The following SPOCK3 variants were observed in gnomAD, a reference collection of about 807,000 sequenced individuals.
SPOCK3 encodes testican-3.
SPOCK3 carries 30 observed loss-of-function variants against 56.6 expected under a neutral mutation model. The observed-to-expected ratio is 0.53, with a 90% CI of 0.40 to 0.72. The LOEUF (loss-of-function observed/expected upper bound fraction) is 0.72. SPOCK3 is among the 30% of genes least tolerant of loss of function. The pLI is 0.00. For synonymous variants in SPOCK3, 196 were observed against 183.3 expected, an observed-to-expected ratio of 1.07 and a Z score of -0.56; for missense variants, 527 against 530.0, an observed-to-expected ratio of 0.99 and a Z score of 0.06.
At chr4:167,190,328 T>C (rs541134262) in intron 2 of SPOCK3, among the ~76,000 whole-genome samples, 5 of 146,152 alleles carry the variant, frequency 3.4e-5, no homozygotes, top group Non-Finnish European at 4.5e-5. Flanking sequence ...TAAGGTGATA[T>C]CTCTTTGTGA....
intron 6 of SPOCK3, among the ~76,000 whole-genome samples, chr4:166,885,255 G>A (rs1217956741): frequency 6.7e-6 from 1 of 149,386 alleles, no homozygotes; most frequent in Non-Finnish European, 1.5e-5. Flanking sequence ...CTGGGACTTG[G>A]TTGCCTTATT....
At chr4:167,233,003 G>C (rs1179651421) in intron 2 of SPOCK3, among the ~76,000 whole-genome samples, 1 of 152,158 alleles carries the variant, frequency 6.6e-6, no homozygotes, top group Non-Finnish European at 1.5e-5. Flanking sequence ...CAAATGTCAC[G>C]GTAAGGATTG....
intron 2 of SPOCK3, among the ~76,000 whole-genome samples, chr4:167,144,632 G>C (rs1029975285): frequency 1.3e-5 from 2 of 149,340 alleles, no homozygotes; most frequent in Admixed American, 6.8e-5. Context: ...AAGTAGGAAA[G>C]ATAAATAAGA....
chr4:166,868,458 C>T (rs1468817206), intron 6 of SPOCK3, among the ~76,000 whole-genome samples: 1 of 151,828 alleles, frequency 6.6e-6, no homozygotes, highest in Admixed American at 6.6e-5. Flanking sequence ...ACAGTATGAC[C>T]CTGTCTCTAA....
chr4:167,192,297 G>A (rs942295583), intron 2 of SPOCK3, among the ~76,000 whole-genome samples: 1 of 145,562 alleles, frequency 6.9e-6, no homozygotes, highest in African/African-American at 2.6e-5. Flanking sequence ...ATTCCAACCC[G>A]ATAATATGAA....
chr4:167,223,249 T>C (rs1191049814), intron 2 of SPOCK3, among the ~76,000 whole-genome samples: 1 of 141,760 alleles, frequency 7.1e-6, no homozygotes, highest in Non-Finnish European at 1.5e-5. Flanking sequence ...TATATTCATT[T>C]ATAAATATAT....
intron 4 of SPOCK3, among the ~76,000 whole-genome samples, chr4:166,982,843 C>A (rs1466403475): frequency 6.6e-6 from 1 of 152,004 alleles, no homozygotes; most frequent in Non-Finnish European, 1.5e-5. Context: ...ATTTTGAGGC[C>A]ATACTTGTAC....
At chr4:166,873,796 T>G (rs977103263) in intron 6 of SPOCK3, among the ~76,000 whole-genome samples, 1 of 152,002 alleles carries the variant, frequency 6.6e-6, no homozygotes, top group Non-Finnish European at 1.5e-5. Flanking sequence ...GCTAAGAACA[T>G]AGGTTGGTAG....
At chr4:167,194,153 C>T (rs1333713703) in intron 2 of SPOCK3, among the ~76,000 whole-genome samples, 2 of 124,686 alleles carry the variant, frequency 1.6e-5, no homozygotes, top group Non-Finnish European at 3.4e-5. Flanking sequence ...TTTTTGAGTT[C>T]ACTGATTCTT....
chr4:166,952,326 A>C (rs1452908240), intron 4 of SPOCK3, among the ~76,000 whole-genome samples: 1 of 152,200 alleles, frequency 6.6e-6, no homozygotes, highest in Non-Finnish European at 1.5e-5. Context: ...GTGAACTCCC[A>C]TTCACAATTG....
intron 7 of SPOCK3, among the ~76,000 whole-genome samples, chr4:166,779,294 A>C (rs1198705070): frequency 6.6e-6 from 1 of 152,190 alleles, no homozygotes; most frequent in Non-Finnish European, 1.5e-5. Context: ...TCAAAAAAAA[A>C]GTAAAGATAA....
At chr4:166,745,046 C>A (rs1356858812) in intron 8 of SPOCK3, among the ~76,000 whole-genome samples, 1 of 152,090 alleles carries the variant, frequency 6.6e-6, no homozygotes, top group Admixed American at 6.5e-5. Flanking sequence ...AGAATGGAAC[C>A]AAGTTGGAAA....
chr4:167,007,085 G>C (rs1285282993), intron 3 of SPOCK3, among the ~76,000 whole-genome samples: 2 of 152,132 alleles, frequency 1.3e-5, no homozygotes, highest in African/African-American at 2.4e-5. Flanking sequence ...ATATATCCCT[G>C]CATTCACCTT....
In SPOCK3 at chr4:166,742,016, T is replaced by A. The variant is rs778470157; in HGVS notation, c.975A>T (p.Gln325His). 5 of 1,612,996 alleles carry A rather than the reference T, an allele frequency of 3.1e-6. No homozygotes were observed. Among genetic ancestry groups the A allele is most frequent in the Non-Finnish European group, 4.2e-6 (5 of 1,179,218 alleles). ...ACTCACCTAGGAGCTTCTTTACCCCTTGCCGCTTCTGAATATTGCTGAGCT... is the reference window on the plus strand; with the variant it reads ...ACTCACCTAGGAGCTTCTTTACCCCATGCCGCTTCTGAATATTGCTGAGCT... ...QTELSNIQKR[Q>H]GVKKLLGQYI... Residue 325 changes from glutamine (Q) to histidine (H), a missense_variant, in exon 9 of 11, where the codon CAA becomes CAT. By Grantham distance (24) the Gln-to-His change is conservative (BLOSUM62 0). Coordinates refer to ENST00000357545, the MANE Select transcript of SPOCK3 (RefSeq NM_001040159.2).
At chr4:166,783,864 A>G (rs1411833196) in intron 7 of SPOCK3, among the ~76,000 whole-genome samples, 1 of 152,158 alleles carries the variant, frequency 6.6e-6, no homozygotes, top group Non-Finnish European at 1.5e-5. Context: ...GTTTAACAGG[A>G]ATAATGTTTA....
chr4:166,838,046 T>C (rs1746818069), intron 6 of SPOCK3, among the ~76,000 whole-genome samples: 2 of 152,192 alleles, frequency 1.3e-5, no homozygotes, highest in Non-Finnish European at 2.9e-5. Flanking sequence ...GCCAAACAAA[T>C]TGTTTTTCCT....
chr4:167,087,617 A>G (rs2150303191), intron 2 of SPOCK3, among the ~76,000 whole-genome samples: 1 of 152,246 alleles, frequency 6.6e-6, no homozygotes, highest in East Asian at 1.9e-4. Context: ...AGTCATTTAG[A>G]ACTGTTTGAT....
intron 2 of SPOCK3, chr4:167,119,730 T>G: frequency 8.7e-7 from 1 of 1,146,466 alleles, no homozygotes; most frequent in Admixed American, 2.1e-5. Context: ...GTTATGTCTA[T>G]AACATAATGG....
chr4:166,940,186 G>C (rs767866885), intron 4 of SPOCK3, among the ~76,000 whole-genome samples: 4 of 152,142 alleles, frequency 2.6e-5, no homozygotes, highest in Non-Finnish European at 4.4e-5. Context: ...CAAGAGAGAA[G>C]AAATATTTGT....
Sources: allele counts gnomAD v4.1 joint callset (sites outside exome capture counted in the v4.1 genomes callset), GRCh38; gene constraint gnomAD v4.1.1; transcripts MANE v1.5; gene names NCBI Gene and HGNC (gene_info 2026-07-23, HGNC 2026-07-21).